The following CNTNAP2 variants were observed in gnomAD, a reference collection of about 807,000 sequenced individuals.
CNTNAP2 encodes the protein contactin-associated protein-like 2.
A neutral mutation model predicts 155.2 loss-of-function variants in CNTNAP2; 98 were observed. That is an observed-to-expected ratio of 0.63 (90% confidence interval 0.54 to 0.75). CNTNAP2 has a LOEUF of 0.75. Ranked by LOEUF, CNTNAP2 falls within the 30% of genes least tolerant of loss-of-function variation. CNTNAP2 has a pLI of 0.00. For missense variants in CNTNAP2, 1,727 were observed against 1,688.1 expected, an observed-to-expected ratio of 1.02 and a Z score of -0.40; for synonymous variants, 651 against 631.2, an observed-to-expected ratio of 1.03 and a Z score of -0.47.
At position 146,784,324 on chromosome 7, in the gene CNTNAP2, C is replaced by G. The variant is rs140356417; in HGVS notation, c.208+9943C>G. Among the ~76,000 whole-genome samples, 751 of 152,266 alleles carry G rather than the reference C, an allele frequency of 4.9e-3. 5 individuals carry two copies. The highest frequency in any genetic ancestry group is 0.017 in the African/African-American group (704 of 41,544). On this transcript the variant is annotated intron_variant, in intron 2 of 23. Coordinates refer to ENST00000361727, the MANE Select transcript of CNTNAP2 (RefSeq NM_014141.6). ...TGGAATATTAATTTTCTAACACTCTCTTTAGATCACAACATTAATAGCTGA... is the reference window on the plus strand; with the variant it reads ...TGGAATATTAATTTTCTAACACTCTGTTTAGATCACAACATTAATAGCTGA...
intron 13 of CNTNAP2, among the ~76,000 whole-genome samples, chr7:147,858,330 G>A (rs1042325988): frequency 3.9e-5 from 6 of 152,014 alleles, no homozygotes; most frequent in Admixed American, 6.6e-5. Flanking sequence ...CAGGTGATCC[G>A]CCTGCCTCGG....
In CNTNAP2 at chr7:146,370,118, A is replaced by G. The variant is rs34576513; in HGVS notation, c.97+253145A>G. On this transcript the variant is annotated intron_variant, in intron 1 of 23. Transcript: ENST00000361727. The stretch of plus-strand genomic sequence containing the variant: ...TCTAGTTGTATAAAAACCAATGATT[A>G]AAAAAAAAAAGTTTTTTCTTGCTGG... Among the ~76,000 whole-genome samples the G allele has an allele frequency of 2.5e-5, 3 of 118,992 alleles. No homozygotes were observed. In the South Asian group the frequency reaches 6.9e-4, roughly 28 times the overall value. 78.1% of individuals were successfully genotyped at this position (118,992 alleles called of 152,430 possible).
rs538649032 is a variant in CNTNAP2 at position 148,200,640 on chromosome 7, G to A, written c.3011-16648G>A. ...TTACATAGGAATCATAGCCCTCTAT[G>A]ATAACCTTCAAAATACACCTACGAT... On this transcript the variant is annotated intron_variant, in intron 18 of 23. Transcript: ENST00000361727. Among the ~76,000 whole-genome samples the A allele has an allele frequency of 3.8e-4, 58 of 152,156 alleles. No individual in the cohort carries two copies. The South Asian group carries it at 0.011, about 29-fold the overall frequency.
intron 21 of CNTNAP2, among the ~76,000 whole-genome samples, chr7:148,353,141 G>A (rs1426812244): frequency 6.6e-6 from 1 of 152,196 alleles, no homozygotes; most frequent in African/African-American, 2.4e-5. Context: ...GTCAACAGGC[G>A]GGGCCCCGGC....
At chr7:146,320,649 A>G (rs1800984706) in intron 1 of CNTNAP2, among the ~76,000 whole-genome samples, 1 of 152,098 alleles carries the variant, frequency 6.6e-6, no homozygotes. Context: ...AAAGTGGTGG[A>G]TTGATTTAAT....
At chr7:146,423,234 A>T (rs545010304) in intron 1 of CNTNAP2, among the ~76,000 whole-genome samples, 2 of 152,214 alleles carry the variant, frequency 1.3e-5, no homozygotes, top group South Asian at 4.1e-4. Flanking sequence ...AACATATTGA[A>T]CTTTCTGTCT....
At chr7:147,011,508 A>T (rs543669164) in intron 3 of CNTNAP2, among the ~76,000 whole-genome samples, 1 of 151,826 alleles carries the variant, frequency 6.6e-6, no homozygotes. Context: ...AGGCATAAAA[A>T]CTAAATGTGA....
At chr7:146,956,874 T>C (rs1255797312) in intron 3 of CNTNAP2, among the ~76,000 whole-genome samples, 1 of 152,042 alleles carries the variant, frequency 6.6e-6, no homozygotes, top group African/African-American at 2.4e-5. Flanking sequence ...CACAGGAACA[T>C]TAAACTTAAG....
At chr7:147,611,578 A>G (rs990339172) in intron 12 of CNTNAP2, among the ~76,000 whole-genome samples, 1 of 152,198 alleles carries the variant, frequency 6.6e-6, no homozygotes, top group Non-Finnish European at 1.5e-5. Context: ...TGTGGGTGAG[A>G]ATGGTCTGTC....
At chr7:146,287,416 G>GT (rs1554411455) in intron 1 of CNTNAP2, among the ~76,000 whole-genome samples, 1 of 152,150 alleles carries the variant, frequency 6.6e-6, no homozygotes, top group Non-Finnish European at 1.5e-5. Context: ...CCTTCTGAAC[G>GT]TAACAGGTTG....
intron 12 of CNTNAP2, chr7:147,638,677 A>T (rs1416884316): frequency 5.4e-6 from 2 of 367,862 alleles, no homozygotes; most frequent in Admixed American, 8.3e-5. Flanking sequence ...AGCAAACACC[A>T]TGTAGGAAGA....
At chr7:148,063,191 A>T (rs910087980) in intron 15 of CNTNAP2, among the ~76,000 whole-genome samples, 3 of 151,960 alleles carry the variant, frequency 2.0e-5, no homozygotes, top group African/African-American at 7.2e-5. Flanking sequence ...TCTGGATTGC[A>T]TTATTTCCTG....
intron 10 of CNTNAP2, among the ~76,000 whole-genome samples, chr7:147,417,491 C>G (rs1392035499): frequency 6.6e-6 from 1 of 152,160 alleles, no homozygotes; most frequent in Non-Finnish European, 1.5e-5. Context: ...TCTCCTAATA[C>G]CATCACACTG....
At position 148,112,415 on chromosome 7, in the gene CNTNAP2, G is replaced by GTAGTATTAT. The variant is rs71527878; in HGVS notation, c.2384-5701_2384-5700insGTATTATTA. 5.4e-5 allele frequency among the ~76,000 whole-genome samples: 8 copies of GTAGTATTAT among 148,628 alleles called. No homozygotes were observed. The East Asian group carries it at 9.9e-4, about 18-fold the overall frequency. On this transcript the variant is annotated intron_variant, in intron 15 of 23. Transcript: ENST00000361727. ...AATATGAATACTGTGCTAAATTTTA[G>GTAGTATTAT]TATTATTATTATTATTATTATTATT... is the stretch of plus-strand genomic sequence containing the variant.
intron 13 of CNTNAP2, among the ~76,000 whole-genome samples, chr7:147,789,395 A>G (rs1257411242): frequency 6.6e-6 from 1 of 152,154 alleles, no homozygotes. Flanking sequence ...ATACAAATCC[A>G]GTCTCCCCAC....
At chr7:148,171,604 G>A (rs750143634) in intron 17 of CNTNAP2, among the ~76,000 whole-genome samples, 23 of 152,100 alleles carry the variant, frequency 1.5e-4, no homozygotes, top group East Asian at 3.8e-4. Flanking sequence ...GCTATATGTC[G>A]TGTAATGACA....
At chr7:146,733,530 T>C (rs1801562513) in intron 1 of CNTNAP2, among the ~76,000 whole-genome samples, 1 of 152,166 alleles carries the variant, frequency 6.6e-6, no homozygotes, top group Non-Finnish European at 1.5e-5. Context: ...CAGACTATTT[T>C]GCTAATTTGT....
intron 9 of CNTNAP2, among the ~76,000 whole-genome samples, chr7:147,353,248 A>G (rs772771378): frequency 2.0e-4 from 30 of 151,692 alleles, no homozygotes; most frequent in Non-Finnish European, 3.8e-4. Flanking sequence ...TGCTGCACCA[A>G]TCAACCTGTC....
At chr7:146,504,781 C>T (rs1797357825) in intron 1 of CNTNAP2, among the ~76,000 whole-genome samples, 1 of 152,154 alleles carries the variant, frequency 6.6e-6, no homozygotes, top group Non-Finnish European at 1.5e-5. Flanking sequence ...GGTAGAGCGG[C>T]CAATCCTGTT....
Sources: gnomAD v4.1 joint callset for allele counts (sites outside exome capture counted in the v4.1 genomes callset) on GRCh38, gnomAD v4.1.1 for gene constraint, MANE v1.5 for transcripts, NCBI Gene and HGNC (gene_info 2026-07-23, HGNC 2026-07-21) for gene names.